The following PLCB4 variants were observed in gnomAD, a reference collection of about 807,000 sequenced individuals.
The protein encoded by PLCB4 is phospholipase C beta 4.
Under a neutral mutation model 178.8 loss-of-function variants are expected in PLCB4, and 77 were observed. The ratio of observed to expected loss-of-function variants is 0.43; its 90% CI spans 0.36 to 0.52. The LOEUF (loss-of-function observed/expected upper bound fraction) is 0.52. PLCB4 is among the 20% of genes least tolerant of loss of function. The pLI is 0.00. For missense variants in PLCB4, 1,024 were observed against 1,453.4 expected (o/e 0.70, Z 4.80); for synonymous variants, 496 against 490.8 (o/e 1.01, Z -0.14).
chr20:9,384,467 T>G, intron 14 of PLCB4, 56 bp downstream of exon 14: 1 of 1,233,866 alleles, frequency 8.1e-7, no homozygotes, highest in South Asian at 1.2e-5. Flanking sequence ...TCAGTTTAAT[T>G]TACTTTTCTC....
At chr20:9,348,360 G>T (rs1271136238) in intron 7 of PLCB4, among the ~76,000 whole-genome samples, 3 of 152,224 alleles carry the variant, frequency 2.0e-5, no homozygotes, top group Admixed American at 1.3e-4. Context: ...CTAAAATAGA[G>T]ACCAGATTCT....
At chr20:9,429,496 T>C (rs2041250849) in intron 28 of PLCB4, among the ~76,000 whole-genome samples, 1 of 152,204 alleles carries the variant, frequency 6.6e-6, no homozygotes, top group Non-Finnish European at 1.5e-5. Context: ...TGCAAAACTT[T>C]GGCCAAGAAT....
At chr20:9,361,560 T>C (rs2035333011) in intron 7 of PLCB4, among the ~76,000 whole-genome samples, 1 of 152,198 alleles carries the variant, frequency 6.6e-6, no homozygotes, top group Non-Finnish European at 1.5e-5. Context: ...AGATGGCTGG[T>C]TATGTTGGTT....
At position 9,478,982 on chromosome 20, in the gene PLCB4, T is replaced by C. The variant is rs777422158; in HGVS notation, c.3594T>C (p.Ser1198=). 2.6e-5 allele frequency: 42 copies of C among 1,613,412 alleles called. 1 individual carries two copies. In the East Asian group the frequency reaches 8.9e-4, roughly 34 times the overall value. The change falls in exon 40 of 40, where the codon AGT becomes AGC. Residue 1198 remains serine, a synonymous_variant. Coordinates refer to ENST00000378473, the MANE Select transcript of PLCB4 (RefSeq NM_001377142.1). ...GAGATGGACCGCAGACCAGCAACAG[T>C]AGTATGAAACTCCAAAATGCAAACT... ...GSRDGPQTSN[S]SMKLQNAN is the part of the protein sequence containing the mutation.
At chr20:9,361,220 A>G (rs746523805) in intron 7 of PLCB4, among the ~76,000 whole-genome samples, 7 of 152,254 alleles carry the variant, frequency 4.6e-5, no homozygotes, top group Non-Finnish European at 1.0e-4. Context: ...TTGTGTATCA[A>G]TATTCATAGC....
rs71184138 is a variant in PLCB4 at position 9,206,299 on chromosome 20, CTTTTTTTT to C, written c.-78-11075_-78-11068del. 4.1e-3 allele frequency among the ~76,000 whole-genome samples: 393 copies of C among 96,102 alleles called. 2 individuals carry two copies. The highest frequency in any genetic ancestry group is 0.012 in the African/African-American group (311 of 25,958). The allele number at this position is 96,102 out of a possible 152,430, so 63.0% of individuals were successfully genotyped here. ...TCCTCCTGCCTTTTTTTTCTTTTTT[CTTTTTTTT>C]TTTTTTTTTTTTTTTGGTCAGTTTT... On this transcript the variant is annotated intron_variant, in intron 2 of 39. Transcript: ENST00000378473.
At chr20:9,153,427 A>G (rs1251330742) in intron 2 of PLCB4, among the ~76,000 whole-genome samples, 1 of 152,104 alleles carries the variant, frequency 6.6e-6, no homozygotes, top group Non-Finnish European at 1.5e-5. Flanking sequence ...GATAGTGAAT[A>G]CATCTTGAGA....
intron 19 of PLCB4, among the ~76,000 whole-genome samples, chr20:9,400,555 T>G (rs1249763678): frequency 6.6e-6 from 1 of 152,220 alleles, no homozygotes; most frequent in Non-Finnish European, 1.5e-5. Flanking sequence ...GTTTTTTTGT[T>G]TTGTTTTTAC....
chr20:9,303,200 G>A (rs1428608682), intron 3 of PLCB4, among the ~76,000 whole-genome samples: 2 of 152,174 alleles, frequency 1.3e-5, no homozygotes, highest in East Asian at 3.9e-4. Context: ...TTGTTTCTAA[G>A]CTTCTTGGGT....
intron 2 of PLCB4, among the ~76,000 whole-genome samples, chr20:9,118,885 C>T (rs140427685): frequency 2.2e-4 from 34 of 152,270 alleles, no homozygotes; most frequent in African/African-American, 7.5e-4. Context: ...TGAATGGGCT[C>T]AGTTAACTGT....
At chr20:9,185,550 C>G (rs2093317595) in intron 2 of PLCB4, among the ~76,000 whole-genome samples, 1 of 152,120 alleles carries the variant, frequency 6.6e-6, no homozygotes, top group East Asian at 1.9e-4. Flanking sequence ...CCACACTGAC[C>G]CCTCTCCGTA....
chr20:9,367,002 G>A (rs1296928310), intron 9 of PLCB4, among the ~76,000 whole-genome samples: 3 of 152,226 alleles, frequency 2.0e-5, no homozygotes, highest in African/African-American at 4.8e-5. Context: ...AGTGGCATGT[G>A]CTGTGGCTCC....
chr20:9,417,174 A>T (rs991466346), intron 25 of PLCB4, among the ~76,000 whole-genome samples: 9 of 152,038 alleles, frequency 5.9e-5, no homozygotes, highest in African/African-American at 1.7e-4. Context: ...CATAGTATGG[A>T]TTCTTTAAAT....
At chr20:9,242,967 G>A (rs1419663641) in intron 3 of PLCB4, among the ~76,000 whole-genome samples, 1 of 152,150 alleles carries the variant, frequency 6.6e-6, no homozygotes, top group African/African-American at 2.4e-5. Context: ...GGAATGGATA[G>A]ATGGATTTAG....
rs374635009 is a variant in PLCB4 at position 9,098,388 on chromosome 20, C to T, written c.-79+2046C>T. Among the ~76,000 whole-genome samples the T allele has an allele frequency of 1.3e-3, 194 of 152,136 alleles. 5 individuals are homozygous for T. The South Asian group carries it at 0.037, about 29-fold the overall frequency. On this transcript the variant is annotated intron_variant, in intron 2 of 39. Transcript: ENST00000378473. ...CTAGCAGATATGTATAGAAAAAATT[C>T]GACTTTCAACTACTAGGAAAGTTGC...
chr20:9,473,132 G>A lies in PLCB4; in HGVS notation c.3409-147G>A, dbSNP rs1008872145. The A allele has an allele frequency of 1.7e-5, 10 of 573,690 alleles. No homozygotes were observed. The East Asian group carries it at 1.8e-4, about 10-fold the overall frequency. The allele number at this position is 573,690 out of a possible 1,614,324, so 35.5% of individuals were successfully genotyped here. On this transcript the variant is annotated intron_variant, in intron 37 of 39. Coordinates refer to ENST00000378473, the MANE Select transcript of PLCB4 (RefSeq NM_001377142.1). ...AAGATCTTCCCAGAAATAATTATGA[G>A]TTTAAACTCTCCAAATTTTGAGATG...
intron 3 of PLCB4, among the ~76,000 whole-genome samples, chr20:9,243,294 G>A (rs1442719462): frequency 6.6e-6 from 1 of 152,210 alleles, no homozygotes; most frequent in Non-Finnish European, 1.5e-5. Flanking sequence ...TAATAGGTTG[G>A]AGGATTTTAT....
chr20:9,071,014 TG>T (rs931912161), intron 1 of PLCB4, among the ~76,000 whole-genome samples: 2 of 152,218 alleles, frequency 1.3e-5, no homozygotes, highest in African/African-American at 2.4e-5. Flanking sequence ...AATACTCTAT[TG>T]GAAGTTTTAT....
chr20:9,381,598 G>A (rs1228085437), intron 13 of PLCB4, among the ~76,000 whole-genome samples: 3 of 152,134 alleles, frequency 2.0e-5, no homozygotes. Flanking sequence ...AGTTTTAAAG[G>A]TCTATGAAGT....
Sources: allele counts gnomAD v4.1 joint callset (sites outside exome capture counted in the v4.1 genomes callset), GRCh38; gene constraint gnomAD v4.1.1; transcripts MANE v1.5; gene names NCBI Gene and HGNC (gene_info 2026-07-23, HGNC 2026-07-21).